CMSS1: variants seen among roughly 807,000 people sequenced by gnomAD.
CMSS1 encodes protein CMSS1.
In CMSS1, 33 loss-of-function variants were observed where a neutral mutation model predicts 43.5. The observed-to-expected ratio is 0.76, with a 90% CI of 0.57 to 1.01. CMSS1 has a LOEUF of 1.01. Ranked by LOEUF, CMSS1 falls within the 50% of genes least tolerant of loss-of-function variation. CMSS1 has a pLI of 0.00. For missense variants in CMSS1, 313 were observed against 326.4 expected (o/e 0.96, Z 0.32); for synonymous variants, 115 against 117.2 (o/e 0.98, Z 0.12).
chr3:99,908,906 A>G (rs793465), intron 1 of CMSS1, among the ~76,000 whole-genome samples: 40,333 of 151,902 alleles, frequency 0.27, 6,067 homozygotes, highest in Admixed American at 0.34. Flanking sequence ...TTTTAATGGG[A>G]ATCTTAATTA....
chr3:100,060,739 G>A (rs2107343446), intron 1 of CMSS1, among the ~76,000 whole-genome samples: 1 of 152,208 alleles, frequency 6.6e-6, no homozygotes, highest in South Asian at 2.1e-4. Flanking sequence ...GTGTGTGCCT[G>A]TAGTCCCAGC....
intron 1 of CMSS1, among the ~76,000 whole-genome samples, chr3:100,057,254 A>C (rs2065480412): frequency 6.6e-6 from 1 of 152,184 alleles, no homozygotes; most frequent in Non-Finnish European, 1.5e-5. Flanking sequence ...ACTATTCTCC[A>C]AGAGTCTAAT....
chr3:99,876,966 C>T (rs1364368389), intron 1 of CMSS1, among the ~76,000 whole-genome samples: 1 of 152,046 alleles, frequency 6.6e-6, no homozygotes, highest in Non-Finnish European at 1.5e-5. Context: ...TTCTCTTCTA[C>T]CGGCAAACAA....
At chr3:100,129,217 T>A (rs1412123808) in intron 1 of CMSS1, among the ~76,000 whole-genome samples, 1 of 152,226 alleles carries the variant, frequency 6.6e-6, no homozygotes, top group South Asian at 2.1e-4. Context: ...GAACCACATC[T>A]TCTTCATCTT....
chr3:99,952,633 T>C (rs1708209874), intron 1 of CMSS1, among the ~76,000 whole-genome samples: 1 of 152,168 alleles, frequency 6.6e-6, no homozygotes, highest in Admixed American at 6.5e-5. Flanking sequence ...TTTAAACACA[T>C]ACACACAGAG....
Position 99,982,618 on chromosome 3 carries a change from A to G in CMSS1, c.65-164355A>G, listed in dbSNP as rs190955588. Among the ~76,000 whole-genome samples, 16 of 152,292 alleles carry G rather than the reference A, an allele frequency of 1.1e-4. No individual in the cohort carries two copies. In the East Asian group the frequency reaches 3.1e-3, roughly 29 times the overall value. ...CTCAGCGTCCCAAAGTGCTGGGATT[A>G]CAGGCATGAGCCACTATGCCTGGCC... On this transcript the variant is annotated intron_variant, in intron 1 of 9. Transcript: ENST00000421999.
Position 99,833,802 on chromosome 3 carries a change from G to A in CMSS1, c.64+15759G>A, listed in dbSNP as rs530571251. ...TGTGGTAATTGAGGTGGTGTGGGAC[G>A]GTGGTTGGATTCAGGGCTGCTCACT... On this transcript the variant is annotated intron_variant, in intron 1 of 9. Transcript: ENST00000421999. 2.4e-4 allele frequency among the ~76,000 whole-genome samples: 36 copies of A among 152,276 alleles called. No homozygotes were observed. In the South Asian group the frequency reaches 4.8e-3, roughly 20 times the overall value.
intron 1 of CMSS1, among the ~76,000 whole-genome samples, chr3:100,118,186 G>A (rs2066591786): frequency 6.6e-6 from 1 of 151,478 alleles, no homozygotes; most frequent in Admixed American, 6.6e-5. Flanking sequence ...TACCAGTGTA[G>A]TTGTACTTTA....
At chr3:99,858,224 GGGA>G (rs1240262645) in intron 1 of CMSS1, among the ~76,000 whole-genome samples, 2 of 152,294 alleles carry the variant, frequency 1.3e-5, no homozygotes, top group African/African-American at 4.8e-5. Flanking sequence ...CCAGCACTTT[GGGA>G]GGCTGAGGCA....
intron 1 of CMSS1, among the ~76,000 whole-genome samples, chr3:99,825,838 C>T (rs1417650814): frequency 1.4e-5 from 2 of 138,916 alleles, no homozygotes; most frequent in African/African-American, 5.5e-5. Context: ...AGTGCAGTGG[C>T]GCAATCTTGG....
chr3:100,058,171 A>G (rs2065497644), intron 1 of CMSS1, among the ~76,000 whole-genome samples: 1 of 152,188 alleles, frequency 6.6e-6, no homozygotes, highest in African/African-American at 2.4e-5. Context: ...TGAGACTCCT[A>G]TCTGTCTGAC....
At chr3:99,848,188 A>G (rs755048243) in intron 1 of CMSS1, 15 of 1,540,380 alleles carry the variant, frequency 9.7e-6, no homozygotes, top group Middle Eastern at 1.8e-4. Context: ...GAGTTCAGTC[A>G]GTCTTGGGGG....
chr3:99,904,268 A>T lies in CMSS1; in HGVS notation c.64+86225A>T, dbSNP rs897669457. 6.6e-5 allele frequency among the ~76,000 whole-genome samples: 10 copies of T among 152,318 alleles called. No individual in the cohort carries two copies. The East Asian group carries it at 1.3e-3, about 21-fold the overall frequency. ...ATTAGAATGTGCTTATTTTATTTTC[A>T]TCATTTGCTAGTATTTTTGTTCCTA... On this transcript the variant is annotated intron_variant, in intron 1 of 9. Coordinates refer to ENST00000421999, the MANE Select transcript of CMSS1 (RefSeq NM_032359.4).
intron 1 of CMSS1, among the ~76,000 whole-genome samples, chr3:99,894,027 A>G (rs1706171240): frequency 6.6e-6 from 1 of 152,242 alleles, no homozygotes; most frequent in African/African-American, 2.4e-5. Flanking sequence ...GAGGAAGGCC[A>G]GTTAACATAG....
rs757479185 is a variant in CMSS1, at chr3:100,162,294, A to T, written c.226-9A>T. The stretch of plus-strand genomic sequence containing the variant: ...TGTCGTCCCATTTTTCTTCTTTCTC[A>T]TATCTTAGAAGAAAATTACTGATGT... On this transcript the variant is annotated splice_polypyrimidine_tract_variant and intron_variant, in intron 3 of 9. Coordinates refer to ENST00000421999, the MANE Select transcript of CMSS1 (RefSeq NM_032359.4). 1.9e-5 allele frequency: 31 copies of T among 1,605,500 alleles called. No homozygotes were observed. Among genetic ancestry groups the T allele is most frequent in the Admixed American group, 8.6e-5 (5 of 58,408 alleles).
At chr3:99,960,518 C>T (rs1248613260) in intron 1 of CMSS1, among the ~76,000 whole-genome samples, 3 of 152,170 alleles carry the variant, frequency 2.0e-5, no homozygotes, top group Non-Finnish European at 4.4e-5. Flanking sequence ...AAGATTACAG[C>T]GTGAAGTGAA....
chr3:100,161,571 G>A (rs1422735585), intron 3 of CMSS1, among the ~76,000 whole-genome samples: 2 of 152,090 alleles, frequency 1.3e-5, no homozygotes, highest in East Asian at 1.9e-4. Context: ...GAAAATCTGG[G>A]GTCAGGGGTG....
intron 1 of CMSS1, among the ~76,000 whole-genome samples, chr3:99,882,334 G>A (rs1705756276): frequency 6.6e-6 from 1 of 151,980 alleles, no homozygotes; most frequent in Admixed American, 6.6e-5. Context: ...CTTTTGTCTG[G>A]CAACTTCTTC....
intron 1 of CMSS1, among the ~76,000 whole-genome samples, chr3:100,024,923 G>A (rs1281836215): frequency 5.3e-5 from 8 of 152,244 alleles, no homozygotes; most frequent in Admixed American, 5.2e-4. Flanking sequence ...GATATCCTGG[G>A]CTTTTAATGT....
Sources: gnomAD v4.1 joint callset for allele counts (sites outside exome capture counted in the v4.1 genomes callset) on GRCh38, gnomAD v4.1.1 for gene constraint, MANE v1.5 for transcripts, NCBI Gene and HGNC (gene_info 2026-07-23, HGNC 2026-07-21) for gene names.